The following NUP153 variants were observed in gnomAD, a reference collection of about 807,000 sequenced individuals.
NUP153 encodes nucleoporin 153.
A neutral mutation model predicts 134.6 loss-of-function variants in NUP153; 27 were observed. The ratio of observed to expected loss-of-function variants is 0.20; its 90% CI spans 0.15 to 0.28. The LOEUF (loss-of-function observed/expected upper bound fraction) is 0.28. Among genes scored for constraint, NUP153 ranks in the 10% least tolerant of loss-of-function variants. The pLI is 1.00. For synonymous variants in NUP153, 640 were observed against 623.5 expected (o/e 1.03, Z -0.40); for missense variants, 1,821 against 1,731.3 (o/e 1.05, Z -0.92).
chr6:17,683,435 T>C (rs1768732572), intron 2 of NUP153, among the ~76,000 whole-genome samples: 1 of 152,218 alleles, frequency 6.6e-6, no homozygotes, highest in Non-Finnish European at 1.5e-5. Context: ...CAGAACAACA[T>C]TAATCTCTAT....
chr6:17,691,031 A>T (rs1769245509), intron 1 of NUP153, among the ~76,000 whole-genome samples: 1 of 152,142 alleles, frequency 6.6e-6, no homozygotes. Context: ...AATCCCAGCT[A>T]CTCAGGAGGC....
At chr6:17,687,375 A>G (rs1452775542) in intron 2 of NUP153, among the ~76,000 whole-genome samples, 1 of 152,192 alleles carries the variant, frequency 6.6e-6, no homozygotes, top group African/African-American at 2.4e-5. Flanking sequence ...AATAACACAG[A>G]GGCAGTCAGC....
Position 17,668,961 on chromosome 6 carries a change from TA to T in NUP153, c.1068+13del. 1 of 1,522,232 alleles carries T rather than the reference TA, an allele frequency of 6.6e-7. No homozygotes were observed. Among genetic ancestry groups the T allele is most frequent in the Non-Finnish European group, 8.9e-7 (1 of 1,127,686 alleles). The allele number at this position is 1,522,232 out of a possible 1,614,324, so 94.3% of individuals were successfully genotyped here. On this transcript the variant is annotated intron_variant, in intron 8 of 21. Coordinates refer to ENST00000262077, the MANE Select transcript of NUP153 (RefSeq NM_005124.4). Reference sequence around the variant, plus strand: ...GTAGACAGTTTAAATAACTAAATGCTAAAGAAGTTTTACCTTTTCTCTTTTG... The same window carrying T: ...GTAGACAGTTTAAATAACTAAATGCTAAGAAGTTTTACCTTTTCTCTTTTG...
At chr6:17,661,968 C>A (rs1767213397) in intron 10 of NUP153, 50 bp downstream of exon 10, 1 of 1,376,434 alleles carries the variant, frequency 7.3e-7, no homozygotes, top group Non-Finnish European at 1.0e-6. Flanking sequence ...TAAATACAGA[C>A]CTTACAAGTT....
At chr6:17,701,978 C>A (rs954410555) in intron 1 of NUP153, among the ~76,000 whole-genome samples, 2 of 151,614 alleles carry the variant, frequency 1.3e-5, no homozygotes, top group Non-Finnish European at 1.5e-5. Flanking sequence ...CCACCCCCAT[C>A]CCGGGACAAA....
chr6:17,695,957 T>C lies in NUP153; in HGVS notation c.112-7339A>G, dbSNP rs1769613222. On this transcript the variant is annotated intron_variant, in intron 1 of 21. Coordinates refer to ENST00000262077, the MANE Select transcript of NUP153 (RefSeq NM_005124.4). ...CCGGAAGGCGGAGCTTGCAGTGAGC[T>C]GAGATTGCACCACTGCACTCCAGCC... 3.3e-5 allele frequency among the ~76,000 whole-genome samples: 5 copies of C among 151,442 alleles called. No homozygotes were observed. The South Asian group carries it at 6.2e-4, about 19-fold the overall frequency.
At chr6:17,671,111 A>G (rs556765388) in intron 5 of NUP153, among the ~76,000 whole-genome samples, 1 of 152,270 alleles carries the variant, frequency 6.6e-6, no homozygotes, top group Non-Finnish European at 1.5e-5. Flanking sequence ...GTCTAATCCC[A>G]TTAATTTTCA....
chr6:17,617,512 G>A (rs956909279), intron 20 of NUP153, among the ~76,000 whole-genome samples: 14 of 143,310 alleles, frequency 9.8e-5, no homozygotes, highest in African/African-American at 3.6e-4. Flanking sequence ...TTTAGAAGCA[G>A]ATACCCAGAA....
intron 12 of NUP153, among the ~76,000 whole-genome samples, chr6:17,648,392 G>A (rs552875770): frequency 2.2e-4 from 34 of 152,160 alleles, no homozygotes; most frequent in South Asian, 8.3e-4. Flanking sequence ...CAAGGCAGGC[G>A]GATCACCTGA....
Position 17,625,871 on chromosome 6 carries a change from T to C in NUP153, c.3838A>G (p.Ser1280Gly). Residue 1280 changes from serine (S) to glycine (G), a missense_variant, in exon 19 of 22, where the codon AGC (serine) becomes GGC (glycine). Transcript: ENST00000262077. The surrounding 1 kb of genome is among the most constrained non-coding windows in gnomAD (Gnocchi z 4.7). ...VTPFVFGPGA[S>G]SNNTTTSGFG... ...CCAGAGGTGGTAGTATTATTACTGC[T>C]GGCTCCTGGACCAAAGACAAATGGG... 6.2e-7 allele frequency: 1 copy of C among 1,614,252 alleles called. No homozygotes were observed. The highest frequency in any genetic ancestry group is 8.5e-7 in the Non-Finnish European group (1 of 1,180,042).
Position 17,638,043 on chromosome 6 carries a change from A to G in NUP153, c.1847-273T>C, listed in dbSNP as rs1277422224. On this transcript the variant is annotated intron_variant, in intron 15 of 21. Transcript: ENST00000262077. This position sits in a 1 kb window ranked among gnomAD's most constrained non-coding sequence, Gnocchi z 4.0. ...TTTCTAGTTTGATGCTTTCAATGGTACTAATTTACTGATATGTATTATTGC... is the reference window on the plus strand; with the variant it reads ...TTTCTAGTTTGATGCTTTCAATGGTGCTAATTTACTGATATGTATTATTGC... 6.6e-6 allele frequency among the ~76,000 whole-genome samples: 1 copy of G among 152,240 alleles called. No homozygotes were observed. The highest frequency in any genetic ancestry group is 1.5e-5 in the Non-Finnish European group (1 of 68,044).
chr6:17,689,368 C>A (rs559347378), intron 1 of NUP153, among the ~76,000 whole-genome samples: 5 of 151,882 alleles, frequency 3.3e-5, no homozygotes, highest in Admixed American at 3.3e-4. Flanking sequence ...GCCCGGGCAA[C>A]AAGGGCAAAA....
At chr6:17,646,503 G>A (rs1237600553) in intron 13 of NUP153, among the ~76,000 whole-genome samples, 3 of 152,152 alleles carry the variant, frequency 2.0e-5, no homozygotes, top group Non-Finnish European at 4.4e-5. Context: ...ACCGCGCCTG[G>A]CCCAAATATA....
At chr6:17,620,352 C>T (rs187666676) in intron 20 of NUP153, among the ~76,000 whole-genome samples, 143 of 152,172 alleles carry the variant, frequency 9.4e-4, no homozygotes, top group Non-Finnish European at 1.0e-4. Flanking sequence ...TATTTACAGC[C>T]AACTGATTTT....
rs1561853642 is a variant in NUP153 at position 17,625,783 on chromosome 6, T to C, written c.3901+25A>G. 1 of 1,523,912 alleles carries C rather than the reference T, an allele frequency of 6.6e-7. No individual in the cohort carries two copies. The highest frequency in any genetic ancestry group is 9.1e-7 in the Non-Finnish European group (1 of 1,100,228). 94.4% of individuals were successfully genotyped at this position (1,523,912 alleles called of 1,614,324 possible). A position where few individuals can be genotyped will look rare whatever the true frequency, so the allele number is the denominator to read the frequency against. On this transcript the variant is annotated intron_variant, in intron 19 of 21. Transcript: ENST00000262077. The surrounding 1 kb of genome is among the most constrained non-coding windows in gnomAD (Gnocchi z 4.7). ...ATAAGTAAAGTCCATCCAATTACAATGCATTTTTTCTTTTGTAAATGTACC... is the reference window on the plus strand; with the variant it reads ...ATAAGTAAAGTCCATCCAATTACAACGCATTTTTTCTTTTGTAAATGTACC...
intron 2 of NUP153, among the ~76,000 whole-genome samples, chr6:17,681,353 G>A (rs934493721): frequency 2.6e-5 from 4 of 152,124 alleles, no homozygotes; most frequent in African/African-American, 4.8e-5. Context: ...TTGGGAGGCC[G>A]AGGTGGGCGG....
rs67348223 is a variant in NUP153 at position 17,693,183 on chromosome 6, T to TACACACACACACACAC, written c.112-4581_112-4566dup. Among the ~76,000 whole-genome samples the TACACACACACACACAC allele has an allele frequency of 5.5e-3, 805 of 145,914 alleles. 8 individuals are homozygous for TACACACACACACACAC. The highest frequency in any genetic ancestry group is 0.015 in the African/African-American group (606 of 39,278). On this transcript the variant is annotated intron_variant, in intron 1 of 21. Coordinates refer to ENST00000262077, the MANE Select transcript of NUP153 (RefSeq NM_005124.4). ...CTTTTCTTAAAATTTAGCTTTTTCC[T>TACACACACACACACAC]ACACACACACACACACACACACACA...
At chr6:17,624,959 C>A (rs1254220106) in intron 19 of NUP153, 126 bp from the exon 20 acceptor site, 2 of 850,212 alleles carry the variant, frequency 2.4e-6, no homozygotes, top group Non-Finnish European at 3.5e-6. Flanking sequence ...TAACCAAATT[C>A]CATCAAGACA....
intron 1 of NUP153, among the ~76,000 whole-genome samples, chr6:17,694,618 T>C (rs897296286): frequency 6.6e-6 from 1 of 150,742 alleles, no homozygotes; most frequent in Non-Finnish European, 1.5e-5. Flanking sequence ...GATCGCGCCA[T>C]TGCACTCCAG....
Sources: gnomAD v4.1 joint callset for allele counts (sites outside exome capture counted in the v4.1 genomes callset) on GRCh38, gnomAD v4.1.1 for gene constraint, Gnocchi (gnomAD v3.1) non-coding constraint, MANE v1.5 for transcripts, NCBI Gene and HGNC (gene_info 2026-07-23, HGNC 2026-07-21) for gene names.